ZEB2: variants seen among roughly 807,000 people sequenced by gnomAD.
ZEB2 encodes zinc finger E-box binding homeobox 2.
A neutral mutation model predicts 99.9 loss-of-function variants in ZEB2; 6 were observed. The observed-to-expected ratio is 0.06, with a 90% CI of 0.03 to 0.12. ZEB2 has a LOEUF of 0.12. Among genes scored for constraint, ZEB2 ranks in the 10% least tolerant of loss-of-function variants. The probability of loss-of-function intolerance (pLI) is 1.00; values close to 1 mark genes in which losing one functional copy is unlikely to be tolerated. For missense variants in ZEB2, 969 were observed against 1,502.8 expected (o/e 0.64, Z 5.87); for synonymous variants, 517 against 542.5 (o/e 0.95, Z 0.65).
chr2:144,517,682 C>T (rs1297360292), intron 1 of ZEB2: 1 of 702,620 alleles, frequency 1.4e-6, no homozygotes, highest in South Asian at 1.5e-5. Context: ...GTCATAACTC[C>T]TGACCGTATG....
At chr2:144,510,811 G>A (rs1573813602) in intron 2 of ZEB2, among the ~76,000 whole-genome samples, 1 of 152,132 alleles carries the variant, frequency 6.6e-6, no homozygotes, top group African/African-American at 2.4e-5. Context: ...TTAAGAAGAA[G>A]AAGAGCTCCT....
rs1444342905 is a variant in ZEB2, at chr2:144,385,312, A to G, written c.*4139T>C. On this transcript the variant is annotated 3_prime_UTR_variant, in exon 10 of 10. Transcript: ENST00000627532. ...ATTAGAAACAAATGTCATTGAATACAGAATAGTTGAGTTACAGTTAAGAAG... is the reference window on the plus strand; with the variant it reads ...ATTAGAAACAAATGTCATTGAATACGGAATAGTTGAGTTACAGTTAAGAAG... 2.0e-5 allele frequency: 3 copies of G among 152,184 alleles called. No individual in the cohort carries two copies. The highest frequency in any genetic ancestry group is 4.4e-5 in the Non-Finnish European group (3 of 68,016). 9.4% of individuals were successfully genotyped at this position (152,184 alleles called of 1,614,324 possible). A position where few individuals can be genotyped will look rare whatever the true frequency, so the allele number is the denominator to read the frequency against.
At chr2:144,478,075 C>G (rs1158576006) in intron 2 of ZEB2, among the ~76,000 whole-genome samples, 1 of 152,162 alleles carries the variant, frequency 6.6e-6, no homozygotes, top group Non-Finnish European at 1.5e-5. Context: ...CCACCTGAGA[C>G]AGATTGCGAC....
chr2:144,512,873 C>A (rs1187722974), intron 2 of ZEB2: 1 of 1,287,114 alleles, frequency 7.8e-7, no homozygotes, highest in Non-Finnish European at 1.0e-6. Context: ...TTGGAGCGCC[C>A]TCAGAACTGG....
At chr2:144,403,844 T>C in intron 6 of ZEB2, 72 bp downstream of exon 6, 1 of 1,581,788 alleles carries the variant, frequency 6.3e-7, no homozygotes, top group Non-Finnish European at 8.7e-7. Context: ...TTAATAATGA[T>C]TGCCAATCAA....
At chr2:144,488,206 G>A (rs1390733733) in intron 2 of ZEB2, among the ~76,000 whole-genome samples, 1 of 152,126 alleles carries the variant, frequency 6.6e-6, no homozygotes, top group Non-Finnish European at 1.5e-5. Flanking sequence ...CTTATATTTT[G>A]CACAATTTTA....
chr2:144,432,445 A>G (rs935770425), intron 2 of ZEB2, among the ~76,000 whole-genome samples: 5 of 152,174 alleles, frequency 3.3e-5, no homozygotes, highest in Non-Finnish European at 7.4e-5. Context: ...CAGGTACAAC[A>G]ATTCATAACA....
rs913391627 is a variant in ZEB2, at chr2:144,385,532, A to C, written c.*3919T>G. The C allele has an allele frequency of 6.6e-6, 1 of 152,210 alleles. No homozygotes were observed. The highest frequency in any genetic ancestry group is 1.5e-5 in the Non-Finnish European group (1 of 68,038). The allele number at this position is 152,210 out of a possible 1,614,324, so 9.4% of individuals were successfully genotyped here. On this transcript the variant is annotated 3_prime_UTR_variant, in exon 10 of 10. Transcript: ENST00000627532. Reference sequence around the variant, plus strand: ...ATAATTGCCCCATTGCACAATAAATAAATCCGCTGAGTGTGTTTGTTTGAA... The same window carrying C: ...ATAATTGCCCCATTGCACAATAAATCAATCCGCTGAGTGTGTTTGTTTGAA...
intron 1 of ZEB2, chr2:144,517,946 G>T: frequency 2.6e-6 from 1 of 383,616 alleles, no homozygotes; most frequent in Middle Eastern, 7.8e-4. Flanking sequence ...CTCGCCCAGC[G>T]CCCCCTCCCC....
chr2:144,469,855 A>G (rs1035372634), intron 2 of ZEB2, among the ~76,000 whole-genome samples: 2 of 152,188 alleles, frequency 1.3e-5, no homozygotes, highest in Non-Finnish European at 2.9e-5. Context: ...GGAAGAGCCA[A>G]GTGCATCTGC....
At chr2:144,469,691 T>C (rs13410341) in intron 2 of ZEB2, among the ~76,000 whole-genome samples, 23,075 of 152,130 alleles carry the variant, frequency 0.15, 2,015 homozygotes, top group East Asian at 0.27. Context: ...CTCACTAAAT[T>C]ATATTTTCCT....
In ZEB2 at chr2:144,385,599, A is replaced by G. The variant is rs1469773074; in HGVS notation, c.*3852T>C. On this transcript the variant is annotated 3_prime_UTR_variant, in exon 10 of 10. Transcript: ENST00000627532. ...TGGGATCACATAGTCAAATAAATGCAGCTGTGTTTATTACAATGTGTGGGG... is the reference window on the plus strand; with the variant it reads ...TGGGATCACATAGTCAAATAAATGCGGCTGTGTTTATTACAATGTGTGGGG... 1 of 152,204 alleles carries G rather than the reference A, an allele frequency of 6.6e-6. No individual in the cohort carries two copies. Among genetic ancestry groups the G allele is most frequent in the Non-Finnish European group, 1.5e-5 (1 of 68,020 alleles). 9.4% of individuals were successfully genotyped at this position (152,204 alleles called of 1,614,324 possible). A position where few individuals can be genotyped will look rare whatever the true frequency, so the allele number is the denominator to read the frequency against.
At chr2:144,467,923 G>T (rs186446711) in intron 2 of ZEB2, among the ~76,000 whole-genome samples, 143 of 152,202 alleles carry the variant, frequency 9.4e-4, no homozygotes, top group Non-Finnish European at 3.1e-4. Flanking sequence ...AGCGCATTAC[G>T]ATTTAACACA....
Position 144,388,841 on chromosome 2 carries a change from G to T in ZEB2, c.*610C>A, listed in dbSNP as rs1199999297. On this transcript the variant is annotated 3_prime_UTR_variant, in exon 10 of 10. Transcript: ENST00000627532. The surrounding 1 kb of genome is among the most constrained non-coding windows in gnomAD (Gnocchi z 5.4). ...TTCCTTCACGTCCAGGTCACTTTAA[G>T]ACTTCGGTATCTTAAATTCACACAT... is the stretch of plus-strand genomic sequence containing the variant. 1 of 452,580 alleles carries T rather than the reference G, an allele frequency of 2.2e-6. No individual in the cohort carries two copies. Among genetic ancestry groups the T allele is most frequent in the East Asian group, 7.1e-5 (1 of 14,040 alleles). 28.0% of individuals were successfully genotyped at this position (452,580 alleles called of 1,614,324 possible).
intron 2 of ZEB2, among the ~76,000 whole-genome samples, chr2:144,460,249 T>C (rs1333205741): frequency 6.6e-6 from 1 of 152,158 alleles, no homozygotes; most frequent in African/African-American, 2.4e-5. Context: ...TTAAGAAATA[T>C]TATTCTTGAT....
At chr2:144,464,944 A>G (rs780925157) in intron 2 of ZEB2, among the ~76,000 whole-genome samples, 10 of 152,322 alleles carry the variant, frequency 6.6e-5, no homozygotes, top group Non-Finnish European at 1.3e-4. Flanking sequence ...ATAAGATAAC[A>G]TGGAGAAGCA....
At chr2:144,410,222 T>C (rs911149547) in intron 4 of ZEB2, among the ~76,000 whole-genome samples, 23 of 152,200 alleles carry the variant, frequency 1.5e-4, no homozygotes, top group Non-Finnish European at 7.4e-5. Flanking sequence ...AAAAAGAATG[T>C]TAATTAAAAA....
At chr2:144,401,857 T>C (rs1573719188) in intron 6 of ZEB2, among the ~76,000 whole-genome samples, 1 of 152,176 alleles carries the variant, frequency 6.6e-6, no homozygotes, top group East Asian at 1.9e-4. Flanking sequence ...CAAAAAAACC[T>C]TGACTATAAA....
At chr2:144,394,648 T>C (rs1256100513) in intron 9 of ZEB2, among the ~76,000 whole-genome samples, 1 of 152,252 alleles carries the variant, frequency 6.6e-6, no homozygotes, top group African/African-American at 2.4e-5. Flanking sequence ...TTGAATTATA[T>C]AACACAAGTA....
Sources: allele counts gnomAD v4.1 joint callset (sites outside exome capture counted in the v4.1 genomes callset), GRCh38; gene constraint gnomAD v4.1.1; non-coding constraint Gnocchi (gnomAD v3.1); transcripts MANE v1.5; gene names NCBI Gene and HGNC (gene_info 2026-07-23, HGNC 2026-07-21).